Variants in RIMS2 observed in about 807,000 individuals in gnomAD.
RIMS2 encodes regulating synaptic membrane exocytosis protein 2.
In RIMS2, 59 loss-of-function variants were observed where a neutral mutation model predicts 174.4. That is an observed-to-expected ratio of 0.34 (90% CI 0.27 to 0.42). RIMS2 has a LOEUF of 0.42. Among genes scored for constraint, RIMS2 ranks in the 10% least tolerant of loss-of-function variants. RIMS2 has a pLI of 1.00. For synonymous variants in RIMS2, 606 were observed against 572.5 expected, an observed-to-expected ratio of 1.06 and a Z score of -0.84; for missense variants, 1,620 against 1,666.3, an observed-to-expected ratio of 0.97 and a Z score of 0.48.
At chr8:104,154,117 C>A (rs1395795412) in intron 19 of RIMS2, among the ~76,000 whole-genome samples, 1 of 152,104 alleles carries the variant, frequency 6.6e-6, no homozygotes, top group African/African-American at 2.4e-5. Context: ...TTAAACCTCA[C>A]AACAAAGTTA....
chr8:104,004,297 C>T (rs961768799), intron 17 of RIMS2, among the ~76,000 whole-genome samples: 2 of 152,022 alleles, frequency 1.3e-5, no homozygotes, highest in South Asian at 4.2e-4. Flanking sequence ...TTTTTCCCTG[C>T]CTGAGGAACA....
At chr8:103,993,865 AAC>A (rs1384582504) in intron 17 of RIMS2, among the ~76,000 whole-genome samples, 1 of 151,970 alleles carries the variant, frequency 6.6e-6, no homozygotes, top group Non-Finnish European at 1.5e-5. Flanking sequence ...TATCTCCACA[AAC>A]ACACACAAAA....
chr8:104,245,158 A>G lies in RIMS2; in HGVS notation c.3476+101A>G. ...TCCAACTCTCATGCTCTTCAGAACCACTTTAATTTTCACTGGCTGATTTCC... is the reference window on the plus strand; with the variant it reads ...TCCAACTCTCATGCTCTTCAGAACCGCTTTAATTTTCACTGGCTGATTTCC... On this transcript the variant is annotated intron_variant, in intron 20 of 23. Transcript: ENST00000504942. 3 of 1,181,568 alleles carry G rather than the reference A, an allele frequency of 2.5e-6. No homozygotes were observed. In the South Asian group the frequency reaches 4.6e-5, roughly 18 times the overall value. The allele number at this position is 1,181,568 out of a possible 1,614,324, so 73.2% of individuals were successfully genotyped here. A position where few individuals can be genotyped will look rare whatever the true frequency, so the allele number is the denominator to read the frequency against.
intron 15 of RIMS2, among the ~76,000 whole-genome samples, chr8:103,972,367 T>C (rs1192779891): frequency 6.6e-6 from 1 of 152,248 alleles, no homozygotes; most frequent in Non-Finnish European, 1.5e-5. Context: ...TCCTTCAAAA[T>C]ATATCCACTT....
At chr8:103,719,927 A>G (rs192019286) in intron 2 of RIMS2, among the ~76,000 whole-genome samples, 25 of 152,332 alleles carry the variant, frequency 1.6e-4, no homozygotes, top group East Asian at 1.9e-4. Flanking sequence ...GTATTAAATT[A>G]TTCCTTTCTC....
At position 103,836,925 on chromosome 8, in the gene RIMS2, G is replaced by A. The variant is rs375877480; in HGVS notation, c.699-48373G>A. 4.6e-5 allele frequency among the ~76,000 whole-genome samples: 7 copies of A among 152,308 alleles called. No homozygotes were observed. The South Asian group carries it at 6.2e-4, about 14-fold the overall frequency. On this transcript the variant is annotated intron_variant, in intron 3 of 23. Coordinates refer to ENST00000504942, the Ensembl canonical transcript of RIMS2. ...AGTTTCAATGAAAAGTGGTACCACA[G>A]TTTGATAGTACAGTGCAAAGATTAT...
Position 103,898,724 on chromosome 8 carries a change from A to AT in RIMS2, c.1625-11401dup, listed in dbSNP as rs929920785. Among the ~76,000 whole-genome samples, 47 of 149,988 alleles carry AT rather than the reference A, an allele frequency of 3.1e-4. 1 individual carries two copies. The highest frequency in any genetic ancestry group is 8.2e-4 in the African/African-American group (33 of 40,342). On this transcript the variant is annotated intron_variant, in intron 4 of 23. Coordinates refer to ENST00000504942, the Ensembl canonical transcript of RIMS2. ...ATGGTAGTTCTTTTTGTTTGTTTTT[A>AT]TTTTTTTTTATTATTATACTTTAAG...
chr8:103,639,952 G>A (rs1290661469), intron 1 of RIMS2, among the ~76,000 whole-genome samples: 1 of 151,734 alleles, frequency 6.6e-6, no homozygotes, highest in African/African-American at 2.4e-5. Context: ...AAAAAATGTT[G>A]AGTCTTTCTA....
At chr8:103,801,922 T>C (rs1466760779) in intron 3 of RIMS2, among the ~76,000 whole-genome samples, 2 of 152,258 alleles carry the variant, frequency 1.3e-5, no homozygotes, top group African/African-American at 4.8e-5. Flanking sequence ...TTGCTATTTC[T>C]TGACAATATC....
chr8:104,147,311 T>A (rs187025144), intron 19 of RIMS2, among the ~76,000 whole-genome samples: 19 of 152,254 alleles, frequency 1.2e-4, no homozygotes, highest in African/African-American at 4.3e-4. Context: ...CATTTTTTTC[T>A]TAAAACAAAT....
intron 1 of RIMS2, among the ~76,000 whole-genome samples, chr8:103,570,922 A>C (rs555875078): frequency 6.6e-6 from 1 of 152,290 alleles, no homozygotes; most frequent in South Asian, 2.1e-4. Flanking sequence ...TATTGACAAA[A>C]GCTATTGTTT....
Position 104,088,336 on chromosome 8 carries a change from A to G in RIMS2, c.3334+73721A>G, listed in dbSNP as rs2097573325. ...GTTATTTAATGACTGCAGTGCCAGA[A>G]TTCCCTCTGCCCTCTTCTTTCCTCT... On this transcript the variant is annotated intron_variant, in intron 19 of 23. Transcript: ENST00000504942. Among the ~76,000 whole-genome samples, 2 of 151,952 alleles carry G rather than the reference A, an allele frequency of 1.3e-5. 1 individual carries two copies. The highest frequency in any genetic ancestry group is 4.1e-4 in the South Asian group (2 of 4,820).
chr8:103,918,373 T>TA (rs1410500026), intron 8 of RIMS2, 68 bp from the exon 12 acceptor site: 2 of 959,652 alleles, frequency 2.1e-6, no homozygotes, highest in South Asian at 1.8e-5. Context: ...TTGATAATAA[T>TA]AAAAAATATG....
chr8:103,662,915 A>G (rs557817047), intron 1 of RIMS2, among the ~76,000 whole-genome samples: 60 of 152,200 alleles, frequency 3.9e-4, no homozygotes, highest in Non-Finnish European at 3.2e-4. Context: ...TCACGCCTGT[A>G]ATCCTAGCAC....
exon 3 of RIMS2, chr8:103,766,520 T>A: frequency 6.2e-7 from 1 of 1,611,738 alleles, no homozygotes; most frequent in South Asian, 1.1e-5. Flanking sequence ...ACATTGCCAG[T>A]GACATAGCTT....
At position 104,127,281 on chromosome 8, in the gene RIMS2, A is replaced by T. The variant is rs190871056; in HGVS notation, c.3334+112666A>T. On this transcript the variant is annotated intron_variant, in intron 19 of 23. Transcript: ENST00000504942. ...AGCTGTACTTGTTTTAATTTAAGTT[A>T]TAATTACATCAGAAGTGACCTAAGG... 2.6e-4 allele frequency among the ~76,000 whole-genome samples: 39 copies of T among 152,336 alleles called. No individual in the cohort carries two copies. In the East Asian group the frequency reaches 7.3e-3, roughly 29 times the overall value.
At chr8:103,709,428 T>C (rs2097275885) in intron 2 of RIMS2, among the ~76,000 whole-genome samples, 1 of 148,572 alleles carries the variant, frequency 6.7e-6, no homozygotes. Context: ...GGATGTTGGC[T>C]ATTTTTGTGT....
At chr8:103,727,059 T>A (rs1350654257) in intron 2 of RIMS2, among the ~76,000 whole-genome samples, 2 of 151,790 alleles carry the variant, frequency 1.3e-5, no homozygotes, top group Non-Finnish European at 2.9e-5. Flanking sequence ...TTCTTAATAA[T>A]TTTAAAATTA....
chr8:103,794,522 G>T (rs1357574305), intron 3 of RIMS2, among the ~76,000 whole-genome samples: 1 of 152,122 alleles, frequency 6.6e-6, no homozygotes, highest in Non-Finnish European at 1.5e-5. Flanking sequence ...CATAGGCATG[G>T]GCAAGGACTT....
Sources: gnomAD v4.1 joint callset for allele counts (sites outside exome capture counted in the v4.1 genomes callset) on GRCh38, gnomAD v4.1.1 for gene constraint, MANE v1.5 for transcripts, NCBI Gene and HGNC (gene_info 2026-07-23, HGNC 2026-07-21) for gene names.